Variants in PRKD1 observed in about 807,000 individuals in gnomAD.
PRKD1 encodes protein kinase D1, also known as serine/threonine-protein kinase D1.
A neutral mutation model predicts 95.9 loss-of-function variants in PRKD1; 63 were observed. The observed-to-expected ratio is 0.66, with a 90% CI of 0.54 to 0.81. The LOEUF is 0.81. Among genes scored for constraint, PRKD1 ranks in the 30% least tolerant of loss-of-function variants. The pLI, the probability that PRKD1 is intolerant of heterozygous loss-of-function variation, is 0.00. For synonymous variants in PRKD1, 425 were observed against 423.1 expected (o/e 1.00, Z -0.05); for missense variants, 1,048 against 1,165.3 (o/e 0.90, Z 1.47).
intron 4 of PRKD1, 43 bp downstream of exon 4, chr14:29,663,656 A>G: frequency 6.3e-7 from 1 of 1,597,504 alleles, no homozygotes; most frequent in Non-Finnish European, 8.6e-7. Flanking sequence ...CACCCCACAG[A>G]TTTCTCATGT....
chr14:29,601,792 C>T (rs750013959), intron 13 of PRKD1, among the ~76,000 whole-genome samples: 5 of 152,188 alleles, frequency 3.3e-5, no homozygotes, highest in Non-Finnish European at 7.3e-5. Flanking sequence ...GAACTTGTGT[C>T]CCAGGCTGTC....
intron 1 of PRKD1, among the ~76,000 whole-genome samples, chr14:29,800,166 GACTC>G (rs1415850568): frequency 6.6e-6 from 1 of 152,146 alleles, no homozygotes; most frequent in Non-Finnish European, 1.5e-5. Flanking sequence ...TGTGACAAGA[GACTC>G]ACAGGAACTA....
chr14:29,900,136 T>C (rs1894271754), intron 1 of PRKD1, among the ~76,000 whole-genome samples: 1 of 152,216 alleles, frequency 6.6e-6, no homozygotes, highest in Non-Finnish European at 1.5e-5. Flanking sequence ...TTTATAGCAG[T>C]GTGAAAATGG....
chr14:29,856,103 A>C (rs1347086378), intron 1 of PRKD1, among the ~76,000 whole-genome samples: 1 of 152,196 alleles, frequency 6.6e-6, no homozygotes, highest in Non-Finnish European at 1.5e-5. Context: ...GCACCATACA[A>C]AGAATATTGC....
rs1883522566 is a variant in PRKD1, at chr14:29,681,211, CT to C, written c.404-15004del. ...AAAAGAAAATTAAAATAGACAAGCA[CT>C]GTTTGATTTATTTCATCTTAGCTCT... On this transcript the variant is annotated intron_variant, in intron 2 of 17. Transcript: ENST00000331968. Among the ~76,000 whole-genome samples, 6 of 152,324 alleles carry C rather than the reference CT, an allele frequency of 3.9e-5. No individual in the cohort carries two copies. In the South Asian group the frequency reaches 1.2e-3, roughly 32 times the overall value.
intron 12 of PRKD1, 24 bp downstream of exon 12, chr14:29,626,460 A>C (rs1399783969): frequency 1.3e-6 from 2 of 1,584,032 alleles, no homozygotes; most frequent in Admixed American, 3.5e-5. Flanking sequence ...TAAGTTCATA[A>C]AAATACTCAG....
intron 2 of PRKD1, among the ~76,000 whole-genome samples, chr14:29,675,691 G>A (rs1265866506): frequency 2.0e-5 from 3 of 152,044 alleles, no homozygotes; most frequent in Non-Finnish European, 2.9e-5. Context: ...TACGTTTATT[G>A]TGGCACTAGT....
chr14:29,917,815 T>A (rs1894942863), intron 1 of PRKD1, among the ~76,000 whole-genome samples: 2 of 152,112 alleles, frequency 1.3e-5, no homozygotes, highest in South Asian at 4.2e-4. Context: ...TGAAACAAAA[T>A]AAAACATAAC....
chr14:29,909,462 C>A (rs1432921183), intron 1 of PRKD1, among the ~76,000 whole-genome samples: 1 of 152,198 alleles, frequency 6.6e-6, no homozygotes, highest in Admixed American at 6.5e-5. Context: ...CTAGGTGAAG[C>A]CAGCTGGGCT....
Position 29,861,118 on chromosome 14 carries a change from T to C in PRKD1, c.264+66131A>G, listed in dbSNP as rs143588557. Among the ~76,000 whole-genome samples, 144 of 152,274 alleles carry C rather than the reference T, an allele frequency of 9.5e-4. 3 individuals carry two copies. The highest frequency in any genetic ancestry group is 3.3e-3 in the African/African-American group (139 of 41,546). Reference sequence around the variant, plus strand: ...AACTCATTTGTCTGCCAGAATAAAGTACAAATGGCAAAATTTAGCCCAACA... The same window carrying C: ...AACTCATTTGTCTGCCAGAATAAAGCACAAATGGCAAAATTTAGCCCAACA... On this transcript the variant is annotated intron_variant, in intron 1 of 17. Coordinates refer to ENST00000331968, the MANE Select transcript of PRKD1 (RefSeq NM_002742.3).
chr14:29,682,333 AT>A (rs1192148205), intron 2 of PRKD1, among the ~76,000 whole-genome samples: 1 of 152,194 alleles, frequency 6.6e-6, no homozygotes, highest in African/African-American at 2.4e-5. Context: ...AATGAGAAGA[AT>A]TTCCTTTAAC....
chr14:29,700,988 G>GCGCGCGCGCGCGCA lies in PRKD1; in HGVS notation c.403+24547_403+24548insTGCGCGCGCGCGCG, dbSNP rs140824053. On this transcript the variant is annotated intron_variant, in intron 2 of 17. Transcript: ENST00000331968. ...TACGCGTGCGCATGCGCGCGCGCGC[G>GCGCGCGCGCGCGCA]CACACACACACACACACACCCTGTT... 1.4e-3 allele frequency among the ~76,000 whole-genome samples: 127 copies of GCGCGCGCGCGCGCA among 90,576 alleles called. 1 individual carries two copies. Among genetic ancestry groups the GCGCGCGCGCGCGCA allele is most frequent in the East Asian group, 0.012 (50 of 4,342 alleles). 59.4% of individuals were successfully genotyped at this position (90,576 alleles called of 152,430 possible).
chr14:29,687,852 T>C (rs1444086614), intron 2 of PRKD1, among the ~76,000 whole-genome samples: 1 of 152,222 alleles, frequency 6.6e-6, no homozygotes, highest in African/African-American at 2.4e-5. Flanking sequence ...CTCATAAGCA[T>C]GTCCATTTGT....
intron 13 of PRKD1, among the ~76,000 whole-genome samples, chr14:29,609,858 CA>C (rs1426541718): frequency 6.6e-6 from 1 of 151,778 alleles, no homozygotes; most frequent in Non-Finnish European, 1.5e-5. Flanking sequence ...CATGCCCGGC[CA>C]AAAACCATGT....
intron 13 of PRKD1, among the ~76,000 whole-genome samples, chr14:29,614,654 T>C (rs1878721294): frequency 6.6e-6 from 1 of 151,962 alleles, no homozygotes; most frequent in South Asian, 2.1e-4. Flanking sequence ...ATGGAGAATA[T>C]TTTAGACATT....
In PRKD1 at chr14:29,676,177, G is replaced by GTTTTTTTTTTTTTT. The variant is rs147308040; in HGVS notation, c.404-9970_404-9969insAAAAAAAAAAAAAA. 2.1e-3 allele frequency among the ~76,000 whole-genome samples: 216 copies of GTTTTTTTTTTTTTT among 104,652 alleles called. 6 individuals are homozygous for GTTTTTTTTTTTTTT. Among genetic ancestry groups the GTTTTTTTTTTTTTT allele is most frequent in the Middle Eastern group, 5.7e-3 (1 of 174 alleles). 68.7% of individuals were successfully genotyped at this position (104,652 alleles called of 152,430 possible). A position where few individuals can be genotyped will look rare whatever the true frequency, so the allele number is the denominator to read the frequency against. ...GCTGTAGGCATGCATAGTTCATTACGTTTTTGTTTTTTTTTTTTTTTTTTT... is the reference window on the plus strand; with the variant it reads ...GCTGTAGGCATGCATAGTTCATTACGTTTTTTTTTTTTTTTTTTTGTTTTTTTTTTTTTTTTTTT... On this transcript the variant is annotated intron_variant, in intron 2 of 17. Transcript: ENST00000331968.
intron 16 of PRKD1, among the ~76,000 whole-genome samples, chr14:29,596,285 A>G (rs1001328104): frequency 2.6e-5 from 4 of 152,250 alleles, no homozygotes; most frequent in South Asian, 4.1e-4. Context: ...TTACAAATGT[A>G]CTAGCCTTTT....
intron 1 of PRKD1, among the ~76,000 whole-genome samples, chr14:29,775,868 C>T (rs1257072441): frequency 2.6e-5 from 4 of 152,144 alleles, no homozygotes; most frequent in Admixed American, 6.5e-5. Flanking sequence ...CCCTGACCCC[C>T]GAGTAGCCTA....
chr14:29,638,876 C>A lies in PRKD1; in HGVS notation c.725G>T (p.Gly242Val). ...TTGAGAATTTGACCTCTTCTCTCGA[C>A]CAATAAACGACTCTGATGGTGATTT... ...LQKSPSESFIGREKRSNSQSY... is the reference protein window; with the variant it reads ...LQKSPSESFIVREKRSNSQSY... The change falls in exon 5 of 18, where the codon GGT becomes GTT. Residue 242 changes from glycine to valine, a missense_variant. Coordinates refer to ENST00000331968, the MANE Select transcript of PRKD1 (RefSeq NM_002742.3). The A allele has an allele frequency of 6.2e-7, 1 of 1,608,896 alleles. No individual in the cohort carries two copies. Among genetic ancestry groups the A allele is most frequent in the South Asian group, 1.1e-5 (1 of 90,986 alleles).
Sources: gnomAD v4.1 joint callset for allele counts (sites outside exome capture counted in the v4.1 genomes callset) on GRCh38, gnomAD v4.1.1 for gene constraint, MANE v1.5 for transcripts, NCBI Gene and HGNC (gene_info 2026-07-23, HGNC 2026-07-21) for gene names.